The following F10 variants were observed in gnomAD, a reference collection of about 807,000 sequenced individuals.
F10 encodes coagulation factor X, also known as Stuart-Prower factor.
In F10, 29 loss-of-function variants were observed where a neutral mutation model predicts 37.1. The observed-to-expected ratio is 0.78, with a 90% CI of 0.58 to 1.07. The LOEUF (loss-of-function observed/expected upper bound fraction) is 1.07, where lower values mean the gene tolerates loss of function less well. Among genes scored for constraint, F10 ranks in the 50% least tolerant of loss-of-function variants. F10 has a pLI of 0.00. For missense variants in F10, 539 were observed against 667.9 expected (o/e 0.81, Z 2.13); for synonymous variants, 262 against 268.6 (o/e 0.98, Z 0.24).
chr13:113,140,858 G>T, intron 4 of F10, 61 bp from the exon 5 acceptor site: 1 of 1,612,706 alleles, frequency 6.2e-7, no homozygotes, highest in South Asian at 1.1e-5. Flanking sequence ...TGGCACCCTT[G>T]GGCCAGCCCA....
chr13:113,133,895 C>T (rs967786003), intron 2 of F10, among the ~76,000 whole-genome samples: 3 of 152,078 alleles, frequency 2.0e-5, no homozygotes, highest in South Asian at 2.1e-4. Flanking sequence ...TTATGTAATC[C>T]ACCATATAAA....
chr13:113,129,704 C>G, intron 2 of F10, 92 bp downstream of exon 2: 3 of 1,555,972 alleles, frequency 1.9e-6, no homozygotes, highest in Non-Finnish European at 2.7e-6. Context: ...GGGGGGCGGC[C>G]TGGAGGAAGG....
chr13:113,133,735 G>C (rs566670717), intron 2 of F10, among the ~76,000 whole-genome samples: 2 of 152,052 alleles, frequency 1.3e-5, no homozygotes, highest in South Asian at 4.1e-4. Flanking sequence ...ACCACCCTAC[G>C]TAACAATATC....
At chr13:113,135,459 A>T (rs1190524253) in intron 2 of F10, among the ~76,000 whole-genome samples, 1 of 152,146 alleles carries the variant, frequency 6.6e-6, no homozygotes, top group Non-Finnish European at 1.5e-5. Context: ...TGCTTCCAAG[A>T]CGGTGCCTCA....
chr13:113,148,717 G>A (rs2036608553), intron 7 of F10, among the ~76,000 whole-genome samples, 199 bp from the exon 8 acceptor site: 1 of 152,160 alleles, frequency 6.6e-6, no homozygotes, highest in Non-Finnish European at 1.5e-5. Flanking sequence ...TGTGAGACAG[G>A]ACCAGTGGTT....
intron 7 of F10, among the ~76,000 whole-genome samples, chr13:113,148,344 A>AT (rs1377102476): frequency 0.011 from 1,104 of 104,132 alleles, 5 homozygotes; most frequent in East Asian, 0.02. Context: ...AAAAAAAAAA[A>AT]AATATATATA....
chr13:113,129,696 G>A (rs1566915848), intron 2 of F10, 84 bp downstream of exon 2: 1 of 1,573,842 alleles, frequency 6.4e-7, no homozygotes, highest in Non-Finnish European at 8.7e-7. Flanking sequence ...TCCATCCAGG[G>A]GGGCGGCCTG....
chr13:113,123,794 G>A (rs1278880438), intron 1 of F10, among the ~76,000 whole-genome samples: 3 of 152,120 alleles, frequency 2.0e-5, no homozygotes, highest in East Asian at 1.9e-4. Flanking sequence ...CACATCACAC[G>A]GGGGTCTTCT....
chr13:113,148,373 T>C (rs1410687005), intron 7 of F10, among the ~76,000 whole-genome samples: 2 of 69,192 alleles, frequency 2.9e-5, no homozygotes, highest in African/African-American at 4.7e-5. Context: ...TGTATATATA[T>C]ATGTGTATAT....
Position 113,146,361 on chromosome 13 carries a change from C to T in F10, c.748-1018C>T, listed in dbSNP as rs1181929595. Among the ~76,000 whole-genome samples the T allele has an allele frequency of 6.6e-6, 1 of 152,154 alleles. No individual in the cohort carries two copies. Among genetic ancestry groups the T allele is most frequent in the Non-Finnish European group, 1.5e-5 (1 of 68,024 alleles). On this transcript the variant is annotated intron_variant, in intron 6 of 7. Transcript: ENST00000375559. The surrounding 1 kb of genome is among the most constrained non-coding windows in gnomAD (Gnocchi z 4.5). ...CCCACCGAGGATGAGCAGGAAAAGC[C>T]TCTTGTGGGGCTGAGGAGCTGGACT...
chr13:113,123,903 C>T (rs2036345313), intron 1 of F10, among the ~76,000 whole-genome samples: 1 of 152,122 alleles, frequency 6.6e-6, no homozygotes, highest in South Asian at 2.1e-4. Flanking sequence ...TCATGGGGTA[C>T]TGTGTGGCTC....
chr13:113,141,821 G>A lies in F10; in HGVS notation c.502+771G>A, dbSNP rs148311493. On this transcript the variant is annotated intron_variant, in intron 5 of 7. Transcript: ENST00000375559. This position sits in a 1 kb window ranked among gnomAD's most constrained non-coding sequence, Gnocchi z 5.4. The stretch of plus-strand genomic sequence containing the variant: ...CCGACCCGCAGCGTTGGCCTCACCC[G>A]GGGGCATATTCGAAGGGCAGAGTTC... 3.8e-4 allele frequency among the ~76,000 whole-genome samples: 58 copies of A among 152,256 alleles called. No individual in the cohort carries two copies. Among genetic ancestry groups the A allele is most frequent in the African/African-American group, 1.1e-3 (44 of 41,552 alleles).
chr13:113,149,286 G>A lies in F10; in HGVS notation c.1236G>A (p.Glu412=), dbSNP rs764015506. The change falls in exon 8 of 8, where the codon GAG becomes GAA. Residue 412 remains glutamate, a synonymous_variant. Transcript: ENST00000375559. The surrounding 1 kb of genome is among the most constrained non-coding windows in gnomAD (Gnocchi z 7.5). ...GTGCCGGCTACGACACCAAGCAGGAGGATGCCTGCCAGGGGGACAGCGGGG... is the reference window on the plus strand; with the variant it reads ...GTGCCGGCTACGACACCAAGCAGGAAGATGCCTGCCAGGGGGACAGCGGGG... ...MFCAGYDTKQ[E]DACQGDSGGP... 1.2e-6 allele frequency: 2 copies of A among 1,613,250 alleles called. No homozygotes were observed. Among genetic ancestry groups the A allele is most frequent in the Admixed American group, 3.3e-5 (2 of 60,028 alleles).
chr13:113,140,830 C>G, intron 4 of F10, 89 bp from the exon 5 acceptor site: 1 of 1,600,228 alleles, frequency 6.2e-7, no homozygotes. Flanking sequence ...TTGTGGCTGA[C>G]AGGCAAGTGG....
At position 113,146,191 on chromosome 13, in the gene F10, C is replaced by T. The variant is rs1438013398; in HGVS notation, c.748-1188C>T. ...GCCTTCTGTGTGTCAGGCACTGAGC[C>T]GGGTGCTGTGTAGGTGGGATATGAA... On this transcript the variant is annotated intron_variant, in intron 6 of 7. Coordinates refer to ENST00000375559, the MANE Select transcript of F10 (RefSeq NM_000504.4). The surrounding 1 kb of genome is among the most constrained non-coding windows in gnomAD (Gnocchi z 4.5). Among the ~76,000 whole-genome samples the T allele has an allele frequency of 1.3e-5, 2 of 152,138 alleles. No homozygotes were observed. The highest frequency in any genetic ancestry group is 2.9e-5 in the Non-Finnish European group (2 of 68,046).
intron 4 of F10, chr13:113,140,506 T>G: frequency 2.1e-6 from 1 of 476,918 alleles, no homozygotes; most frequent in South Asian, 1.5e-5. Context: ...ATTTGGTAAC[T>G]TATGAGGCAT....
Position 113,143,375 on chromosome 13 carries a change from C to A in F10, c.503-476C>A, listed in dbSNP as rs3211779. Among the ~76,000 whole-genome samples, 604 of 152,130 alleles carry A rather than the reference C, an allele frequency of 4.0e-3. 2 individuals are homozygous for A. The highest frequency in any genetic ancestry group is 0.014 in the African/African-American group (572 of 41,514). On this transcript the variant is annotated intron_variant, in intron 5 of 7. Transcript: ENST00000375559. This position sits in a 1 kb window ranked among gnomAD's most constrained non-coding sequence, Gnocchi z 6.8. ...TCCTTCTGCCTGAAAACTTTTTTTT[C>A]TTCAATGTTTCATTAGGAAAAGTTT...
chr13:113,132,325 C>A (rs1395669647), intron 2 of F10, among the ~76,000 whole-genome samples: 1 of 152,212 alleles, frequency 6.6e-6, no homozygotes, highest in Non-Finnish European at 1.5e-5. Flanking sequence ...AGCATCGTTT[C>A]TCAAACACTC....
chr13:113,136,897 G>T (rs1236426765), intron 2 of F10, among the ~76,000 whole-genome samples: 1 of 48,592 alleles, frequency 2.1e-5, no homozygotes. Flanking sequence ...TGATCCGCCC[G>T]CCTCGGCCTC....
Sources: allele counts gnomAD v4.1 joint callset (sites outside exome capture counted in the v4.1 genomes callset), GRCh38; gene constraint gnomAD v4.1.1; non-coding constraint Gnocchi (gnomAD v3.1); transcripts MANE v1.5; gene names NCBI Gene and HGNC (gene_info 2026-07-23, HGNC 2026-07-21).